Variants in ZNF106 observed in about 807,000 individuals in gnomAD.
ZNF106 encodes the protein zinc finger protein 106, also known as SH3-domain binding protein 3.
In ZNF106, 67 loss-of-function variants were observed where a neutral mutation model predicts 195.1. That is an observed-to-expected ratio of 0.34 (90% CI 0.28 to 0.42). The LOEUF (loss-of-function observed/expected upper bound fraction) is 0.42, where lower values mean the gene tolerates loss of function less well. ZNF106 is among the 10% of genes least tolerant of loss of function. The pLI is 1.00. For synonymous variants in ZNF106, 784 were observed against 818.6 expected (o/e 0.96, Z 0.72); for missense variants, 2,118 against 2,304.5 (o/e 0.92, Z 1.66).
Position 42,450,102 on chromosome 15 carries a change from C to A in ZNF106, c.2170G>T (p.Ala724Ser), listed in dbSNP as rs748336891. The A allele has an allele frequency of 1.2e-5, 19 of 1,614,194 alleles. No individual in the cohort carries two copies. The highest frequency in any genetic ancestry group is 1.5e-5 in the Non-Finnish European group (18 of 1,180,028). ...CTGATGTCACTTTTTTGAAGCTCTG[C>A]ATCCAAGCTAGCACTCTCAAAGCCT... The part of the protein sequence containing the change: ...TEGFESASLD[A>S]ELQKSDISQP... Residue 724 changes from alanine to serine, a missense_variant, in exon 5 of 22, where the codon GCA becomes TCA. Physicochemically the swap from Ala to Ser is moderately conservative, Grantham distance 99. Transcript: ENST00000564754.
intron 14 of ZNF106, among the ~76,000 whole-genome samples, chr15:42,429,370 C>T (rs966877800): frequency 6.0e-5 from 9 of 151,242 alleles, no homozygotes; most frequent in African/African-American, 1.7e-4. Flanking sequence ...ACCACGGAGG[C>T]GGAGGTTGCA....
chr15:42,435,646 G>GCTCA, intron 13 of ZNF106, 128 bp from the exon 14 acceptor site: 1 of 1,118,050 alleles, frequency 8.9e-7, no homozygotes, highest in Non-Finnish European at 1.3e-6. Flanking sequence ...AACAGCACCT[G>GCTCA]GTACACAAAA....
Position 42,442,358 on chromosome 15 carries a change from G to C in ZNF106, c.3478C>G (p.Arg1160Gly). 1 of 1,614,150 alleles carries C rather than the reference G, an allele frequency of 6.2e-7. No individual in the cohort carries two copies. ...GATGTTTGAGATCTACTGTTCCTTC[G>C]TTCTCGTGTGAGGCTACAGGGAACC... ...DQVPCSLTRE[R>G]RNSRSQTSID... The change falls in exon 10 of 22, where the codon CGA becomes GGA. Residue 1160 changes from arginine to glycine, a missense_variant. Physicochemically the swap from Arg to Gly is moderately radical, Grantham distance 125. Transcript: ENST00000564754.
Position 42,416,470 on chromosome 15 carries a change from A to G in ZNF106, c.*834T>C, listed in dbSNP as rs1595856041. 1 of 152,346 alleles carries G rather than the reference A, an allele frequency of 6.6e-6. No homozygotes were observed. The highest frequency in any genetic ancestry group is 2.4e-5 in the African/African-American group (1 of 41,450). The allele number at this position is 152,346 out of a possible 1,614,324, so 9.4% of individuals were successfully genotyped here. A position where few individuals can be genotyped will look rare whatever the true frequency, so the allele number is the denominator to read the frequency against. On this transcript the variant is annotated 3_prime_UTR_variant, in exon 22 of 22. Transcript: ENST00000564754. Reference sequence around the variant, plus strand: ...CAACATTAGGCTTGCAGGGTCAGACACTAGAAAGGAAGATAAAGGTACACC... The same window carrying G: ...CAACATTAGGCTTGCAGGGTCAGACGCTAGAAAGGAAGATAAAGGTACACC...
rs929640752 is a variant in ZNF106, at chr15:42,413,907, A to G, written c.*3397T>C. ...ATAAACTGAGTAGAGACGTATGCCA[A>G]AATTATTTTTAACCTAATTAAAAAC... On this transcript the variant is annotated 3_prime_UTR_variant, in exon 22 of 22. Transcript: ENST00000564754. The G allele has an allele frequency of 1.3e-5, 2 of 152,250 alleles. No homozygotes were observed. The highest frequency in any genetic ancestry group is 4.8e-5 in the African/African-American group (2 of 41,468). 9.4% of individuals were successfully genotyped at this position (152,250 alleles called of 1,614,324 possible).
intron 14 of ZNF106, among the ~76,000 whole-genome samples, chr15:42,432,776 T>C (rs992644835): frequency 6.6e-6 from 1 of 151,388 alleles, no homozygotes; most frequent in Non-Finnish European, 1.5e-5. Context: ...CCCAATTTAC[T>C]CGGGAGGCTG....
chr15:42,456,494 CA>C (rs1309669845), intron 4 of ZNF106, among the ~76,000 whole-genome samples: 1 of 151,040 alleles, frequency 6.6e-6, no homozygotes, highest in Non-Finnish European at 1.5e-5. Context: ...ACTAAAAATG[CA>C]AAAAAAATTA....
At position 42,435,491 on chromosome 15, in the gene ZNF106, C is replaced by G. The variant is rs538508118; in HGVS notation, c.4774G>C (p.Gly1592Arg). 4 of 1,614,066 alleles carry G rather than the reference C, an allele frequency of 2.5e-6. No homozygotes were observed. The Admixed American group carries it at 5.0e-5, about 20-fold the overall frequency. The change falls in exon 14 of 22, where the codon GGT (glycine) becomes CGT (arginine). Residue 1592 changes from glycine to arginine, a missense_variant. Coordinates refer to ENST00000564754, the MANE Select transcript of ZNF106 (RefSeq NM_001366845.3). ...VSRKCIGVFEGHTSKVNCLLV... is the reference protein window; with the variant it reads ...VSRKCIGVFERHTSKVNCLLV... ...AGGCAGTTAACTTTGGAGGTATGAC[C>G]CTCAAAGACACCAATACATTTCCGA...
chr15:42,460,592 T>G (rs1184473474), intron 3 of ZNF106, among the ~76,000 whole-genome samples: 1 of 152,116 alleles, frequency 6.6e-6, no homozygotes, highest in African/African-American at 2.4e-5. Context: ...ACTAGCCAGG[T>G]GCCCACGCCT....
intron 16 of ZNF106, chr15:42,424,629 C>A: frequency 1.9e-6 from 1 of 533,704 alleles, no homozygotes; most frequent in Non-Finnish European, 3.3e-6. Context: ...CAGGTGCACA[C>A]CACAACATCC....
intron 14 of ZNF106, 43 bp downstream of exon 14, chr15:42,435,341 C>T (rs200983640): frequency 2.4e-5 from 38 of 1,612,038 alleles, no homozygotes; most frequent in Admixed American, 1.2e-4. Context: ...AATACAAAGG[C>T]GACTCAATAT....
chr15:42,470,242 C>T (rs1454134045), intron 2 of ZNF106, among the ~76,000 whole-genome samples: 1 of 152,066 alleles, frequency 6.6e-6, no homozygotes, highest in Non-Finnish European at 1.5e-5. Context: ...CAGCTTTTCC[C>T]CATACTCAAG....
intron 2 of ZNF106, among the ~76,000 whole-genome samples, chr15:42,468,098 C>T (rs569639209): frequency 1.8e-5 from 2 of 108,810 alleles, no homozygotes; most frequent in East Asian, 2.8e-4. Flanking sequence ...TTTTTTGAGA[C>T]GGAGTCTCGC....
At chr15:42,433,521 C>T (rs1427185733) in intron 14 of ZNF106, among the ~76,000 whole-genome samples, 2 of 143,432 alleles carry the variant, frequency 1.4e-5, no homozygotes, top group African/African-American at 5.4e-5. Context: ...CTTGCTCTGT[C>T]GCCCAGGCTG....
intron 17 of ZNF106, among the ~76,000 whole-genome samples, chr15:42,423,523 G>A (rs960839299): frequency 2.6e-5 from 4 of 151,834 alleles, no homozygotes; most frequent in African/African-American, 4.8e-5. Context: ...ATTACAGGAC[G>A]CACTGCCATG....
rs752248518 is a variant in ZNF106 at position 42,450,746 on chromosome 15, T to C, written c.1526A>G (p.His509Arg). The change falls in exon 5 of 22, where the codon CAC becomes CGC. Residue 509 changes from histidine (H) to arginine (R), a missense_variant. His to Arg is a conservative substitution (Grantham distance 29, BLOSUM62 0). Transcript: ENST00000564754. The stretch of plus-strand genomic sequence containing the variant: ...AGTGGGCTTGTTCGAGGGATTTGAG[T>C]GTTCTCCAGGGGAAAAAAAATTTGT... ...TKTNFFSPGE[H>R]SNPSNKPTVE... The C allele has an allele frequency of 6.2e-7, 1 of 1,614,024 alleles. No homozygotes were observed. Among genetic ancestry groups the C allele is most frequent in the Non-Finnish European group, 8.5e-7 (1 of 1,180,026 alleles).
chr15:42,417,407 G>C (rs781329342), intron 21 of ZNF106, 47 bp from the exon 22 acceptor site: 2 of 1,609,088 alleles, frequency 1.2e-6, no homozygotes, highest in Non-Finnish European at 1.7e-6. Context: ...TCGATAGTAA[G>C]ACAGGAGAAA....
rs56924955 is a variant in ZNF106, at chr15:42,440,998, A to AAT, written c.3763+1073_3763+1074dup. Among the ~76,000 whole-genome samples, 125 of 23,538 alleles carry AAT rather than the reference A, an allele frequency of 5.3e-3. 1 individual carries two copies. Among genetic ancestry groups the AAT allele is most frequent in the South Asian group, 8.8e-3 (4 of 456 alleles). The allele number at this position is 23,538 out of a possible 152,430, so 15.4% of individuals were successfully genotyped here. On this transcript the variant is annotated intron_variant, in intron 10 of 21. Coordinates refer to ENST00000564754, the MANE Select transcript of ZNF106 (RefSeq NM_001366845.3). ...AAACTCTGTCTAAAAAAAAAAAAAA[A>AAT]ATATATATATATATATATATATATA...
Position 42,460,550 on chromosome 15 carries a change from G to T in ZNF106, c.117-3392C>A, listed in dbSNP as rs144082887. ...CAAATCAGAGACCCTGCCCAGAAGG[G>T]CATACGCAATAAGTGCAGTATAAAA... On this transcript the variant is annotated intron_variant, in intron 3 of 21. Transcript: ENST00000564754. 3.9e-5 allele frequency among the ~76,000 whole-genome samples: 6 copies of T among 152,302 alleles called. No homozygotes were observed. In the East Asian group the frequency reaches 1.2e-3, roughly 29 times the overall value.
Sources: allele counts gnomAD v4.1 joint callset (sites outside exome capture counted in the v4.1 genomes callset), GRCh38; gene constraint gnomAD v4.1.1; transcripts MANE v1.5; gene names NCBI Gene and HGNC (gene_info 2026-07-23, HGNC 2026-07-21).